PPFIBP1: variants seen among roughly 807,000 people sequenced by gnomAD.
PPFIBP1 encodes liprin-beta-1.
A neutral mutation model predicts 137.8 loss-of-function variants in PPFIBP1; 112 were observed. The observed-to-expected ratio is 0.81, with a 90% CI of 0.70 to 0.95. The LOEUF (loss-of-function observed/expected upper bound fraction) is 0.95. Among genes scored for constraint, PPFIBP1 ranks in the 40% least tolerant of loss-of-function variants. PPFIBP1 has a pLI of 0.00. For missense variants in PPFIBP1, 1,083 were observed against 1,196.6 expected, an observed-to-expected ratio of 0.91 and a Z score of 1.40; for synonymous variants, 378 against 417.3, an observed-to-expected ratio of 0.91 and a Z score of 1.15.
intron 1 of PPFIBP1, among the ~76,000 whole-genome samples, chr12:27,575,119 G>T (rs1383015818): frequency 6.6e-6 from 1 of 152,124 alleles, no homozygotes; most frequent in East Asian, 1.9e-4. Context: ...TTCTTAAAAG[G>T]CCAGATATAA....
intron 1 of PPFIBP1, among the ~76,000 whole-genome samples, chr12:27,543,278 T>C (rs1459811307): frequency 1.3e-5 from 2 of 152,270 alleles, no homozygotes; most frequent in Non-Finnish European, 2.9e-5. Flanking sequence ...TTTAGAATTA[T>C]AATCCAATGC....
chr12:27,627,425 C>T (rs374754012), intron 2 of PPFIBP1, among the ~76,000 whole-genome samples: 93 of 152,278 alleles, frequency 6.1e-4, no homozygotes, highest in African/African-American at 2.2e-3. Context: ...GAACATTCTC[C>T]CTTTCTCTGA....
At position 27,621,506 on chromosome 12, in the gene PPFIBP1, A is replaced by T. The variant is rs188313926; in HGVS notation, c.-35-11856A>T. On this transcript the variant is annotated intron_variant, in intron 2 of 29. Coordinates refer to ENST00000228425, the MANE Select transcript of PPFIBP1 (RefSeq NM_003622.4). The stretch of plus-strand genomic sequence containing the variant: ...TTTCCATATGTCTCTTAATATTGTA[A>T]TAGGAAATAACAATGTTAAGAATAT... Among the ~76,000 whole-genome samples, 1,050 of 152,342 alleles carry T rather than the reference A, an allele frequency of 6.9e-3. 5 individuals carry two copies. Among genetic ancestry groups the T allele is most frequent in the South Asian group, 0.016 (79 of 4,830 alleles).
At chr12:27,654,920 G>C (rs1187388938) in intron 8 of PPFIBP1, 106 bp downstream of exon 8, 7 of 1,439,038 alleles carry the variant, frequency 4.9e-6, no homozygotes, top group Admixed American at 2.8e-5. Context: ...GATAAAGAAG[G>C]TATTTTAAAA....
At chr12:27,667,506 AT>A (rs2059928097) in intron 13 of PPFIBP1, among the ~76,000 whole-genome samples, 186 bp downstream of exon 13, 1 of 152,244 alleles carries the variant, frequency 6.6e-6, no homozygotes, top group Admixed American at 6.5e-5. Flanking sequence ...ATTGAATAAA[AT>A]TTTCTTCTGA....
At chr12:27,603,036 A>G (rs2054159604) in intron 2 of PPFIBP1, among the ~76,000 whole-genome samples, 1 of 152,214 alleles carries the variant, frequency 6.6e-6, no homozygotes, top group African/African-American at 2.4e-5. Flanking sequence ...TGTATTTTAT[A>G]ATGTCAAGGC....
intron 2 of PPFIBP1, among the ~76,000 whole-genome samples, chr12:27,614,791 A>T (rs1217690479): frequency 6.6e-6 from 1 of 152,232 alleles, no homozygotes; most frequent in Non-Finnish European, 1.5e-5. Flanking sequence ...AAGAATTGTT[A>T]TATAACCGGA....
At position 27,688,386 on chromosome 12, in the gene PPFIBP1, C is replaced by G; in HGVS notation, c.2459C>G (p.Pro820Arg). 6.2e-7 allele frequency: 1 copy of G among 1,614,022 alleles called. No individual in the cohort carries two copies. The highest frequency in any genetic ancestry group is 8.5e-7 in the Non-Finnish European group (1 of 1,179,996). Residue 820 changes from proline (P) to arginine (R), a missense_variant, in exon 26 of 30, where the codon CCC becomes CGC. Physicochemically the swap from Pro to Arg is moderately radical, Grantham distance 103 (BLOSUM62 -2). Coordinates refer to ENST00000228425, the MANE Select transcript of PPFIBP1 (RefSeq NM_003622.4). ...LRSVDLAEYA[P>R]NLRGSGVHGG... ...TCCGTGGACTTGGCAGAATATGCGC[C>G]CAATCTCAGAGGCAGTGGTGTCCAT...
At chr12:27,689,449 AG>A (rs202020692) in intron 27 of PPFIBP1, among the ~76,000 whole-genome samples, 3 of 151,218 alleles carry the variant, frequency 2.0e-5, no homozygotes, top group African/African-American at 7.4e-5. Flanking sequence ...TAAAAAAAAA[AG>A]AAGAAGAAGT....
At chr12:27,526,121 T>A (rs559406996) in intron 1 of PPFIBP1, among the ~76,000 whole-genome samples, 17 of 152,224 alleles carry the variant, frequency 1.1e-4, no homozygotes, top group Non-Finnish European at 2.4e-4. Flanking sequence ...GGAGTGGAGT[T>A]CCTGTGGGCT....
rs916358760 is a variant in PPFIBP1 at position 27,534,327 on chromosome 12, T to C, written c.-124+9962T>C. ...GTGATCAGAAGGGATACGAATTGAG[T>C]AAGTTCACTGCAGGCGGTCTGCATT... On this transcript the variant is annotated intron_variant, in intron 1 of 29. Coordinates refer to ENST00000228425, the MANE Select transcript of PPFIBP1 (RefSeq NM_003622.4). 4.6e-5 allele frequency among the ~76,000 whole-genome samples: 7 copies of C among 151,964 alleles called. No homozygotes were observed. The South Asian group carries it at 8.3e-4, about 18-fold the overall frequency.
intron 11 of PPFIBP1, among the ~76,000 whole-genome samples, chr12:27,661,557 T>C (rs4931230): frequency 0.99 from 151,441 of 152,344 alleles, 75,280 homozygotes; most frequent in East Asian, 1. Flanking sequence ...TGCACGAAAG[T>C]AATGGGTTTC....
chr12:27,546,478 T>C (rs1946252833), intron 1 of PPFIBP1, among the ~76,000 whole-genome samples: 1 of 152,200 alleles, frequency 6.6e-6, no homozygotes, highest in Non-Finnish European at 1.5e-5. Context: ...TTCCACTGAC[T>C]TCCAGGCCTG....
At chr12:27,575,739 A>G (rs1014244962) in intron 1 of PPFIBP1, among the ~76,000 whole-genome samples, 1 of 152,140 alleles carries the variant, frequency 6.6e-6, no homozygotes, top group Non-Finnish European at 1.5e-5. Context: ...TGCTGTTTGC[A>G]TGGGTTTGGA....
intron 2 of PPFIBP1, among the ~76,000 whole-genome samples, chr12:27,617,789 A>G (rs556989859): frequency 6.6e-6 from 1 of 152,300 alleles, no homozygotes; most frequent in South Asian, 2.1e-4. Context: ...GACTATATAT[A>G]TGTATGTATA....
At chr12:27,582,168 C>T (rs1293471601) in intron 2 of PPFIBP1, among the ~76,000 whole-genome samples, 1 of 151,790 alleles carries the variant, frequency 6.6e-6, no homozygotes, top group Non-Finnish European at 1.5e-5. Context: ...TAACTGTAGA[C>T]AGAGGAAGAG....
At chr12:27,530,468 T>C (rs59888558) in intron 1 of PPFIBP1, among the ~76,000 whole-genome samples, 26,433 of 152,244 alleles carry the variant, frequency 0.17, 2,550 homozygotes, top group Middle Eastern at 0.28. Flanking sequence ...CCCCCATCAA[T>C]GTGTGACTTT....
At chr12:27,551,875 G>C (rs551888294) in intron 1 of PPFIBP1, among the ~76,000 whole-genome samples, 1 of 152,302 alleles carries the variant, frequency 6.6e-6, no homozygotes, top group South Asian at 2.1e-4. Context: ...AATAAATTTT[G>C]ACAGACTGTG....
At chr12:27,666,527 T>C (rs1471356604) in intron 12 of PPFIBP1, among the ~76,000 whole-genome samples, 1 of 152,230 alleles carries the variant, frequency 6.6e-6, no homozygotes, top group Non-Finnish European at 1.5e-5. Flanking sequence ...TATCTGGCAC[T>C]GCGCTGTTCA....
Sources: allele counts gnomAD v4.1 joint callset (sites outside exome capture counted in the v4.1 genomes callset), GRCh38; gene constraint gnomAD v4.1.1; transcripts MANE v1.5; gene names NCBI Gene and HGNC (gene_info 2026-07-23, HGNC 2026-07-21).